The following GRM8 variants were observed in gnomAD, a reference collection of about 807,000 sequenced individuals.
GRM8 encodes the protein glutamate metabotropic receptor 8, also known as metabotropic glutamate receptor 8.
In GRM8, 47 loss-of-function variants were observed where a neutral mutation model predicts 87.2. The ratio of observed to expected loss-of-function variants is 0.54; its 90% CI spans 0.43 to 0.69. The LOEUF is 0.69. Ranked by LOEUF, GRM8 falls within the 30% of genes least tolerant of loss-of-function variation. The pLI, the probability that GRM8 is intolerant of heterozygous loss-of-function variation, is 0.00. For missense variants in GRM8, 1,019 were observed against 1,139.2 expected (o/e 0.89, Z 1.52); for synonymous variants, 396 against 404.5 (o/e 0.98, Z 0.25).
intron 7 of GRM8, among the ~76,000 whole-genome samples, chr7:126,651,482 G>T (rs988669963): frequency 2.0e-5 from 3 of 152,132 alleles, no homozygotes; most frequent in Non-Finnish European, 4.4e-5. Flanking sequence ...GAATCAAGGG[G>T]TGGAAGTCGA....
chr7:126,936,604 A>G (rs910397836), intron 3 of GRM8, among the ~76,000 whole-genome samples: 2 of 152,190 alleles, frequency 1.3e-5, no homozygotes, highest in African/African-American at 2.4e-5. Flanking sequence ...CCAATAAGGT[A>G]TAACTAGGAA....
At chr7:126,552,489 C>T (rs2150932984) in intron 8 of GRM8, among the ~76,000 whole-genome samples, 1 of 152,172 alleles carries the variant, frequency 6.6e-6, no homozygotes, top group South Asian at 2.1e-4. Flanking sequence ...TATGTGCTAT[C>T]ATTCTTTGGG....
chr7:127,111,718 T>C (rs1826364182), intron 2 of GRM8, among the ~76,000 whole-genome samples: 2 of 152,314 alleles, frequency 1.3e-5, no homozygotes, highest in Middle Eastern at 3.4e-3. Flanking sequence ...GCAAGAAAAC[T>C]GGTATTTTAC....
intron 2 of GRM8, chr7:127,229,603 C>T (rs888173893): frequency 6.6e-6 from 1 of 152,188 alleles, no homozygotes; most frequent in Non-Finnish European, 1.5e-5. Context: ...ATTGAGCTCT[C>T]ATTTAAATAG....
At chr7:126,744,960 T>C (rs997821883) in intron 7 of GRM8, among the ~76,000 whole-genome samples, 1 of 125,336 alleles carries the variant, frequency 8.0e-6, no homozygotes, top group Non-Finnish European at 1.8e-5. Context: ...TATTAACATG[T>C]AATTGATTTA....
At chr7:127,103,735 T>C (rs1894730) in intron 3 of GRM8, among the ~76,000 whole-genome samples, 27,966 of 152,224 alleles carry the variant, frequency 0.18, 2,741 homozygotes, top group Middle Eastern at 0.26. Flanking sequence ...ACTGTGCTAT[T>C]TGCTGATACC....
At chr7:126,609,977 T>C (rs1409955100) in intron 7 of GRM8, among the ~76,000 whole-genome samples, 1 of 152,176 alleles carries the variant, frequency 6.6e-6, no homozygotes, top group East Asian at 1.9e-4. Context: ...GCACCGTTCC[T>C]GTGCCTCTGC....
At chr7:126,584,029 C>A (rs191266571) in intron 8 of GRM8, among the ~76,000 whole-genome samples, 26 of 152,282 alleles carry the variant, frequency 1.7e-4, no homozygotes, top group Admixed American at 1.6e-3. Flanking sequence ...GCCTCCCCAA[C>A]CTTCAGCAAC....
chr7:127,051,964 T>A (rs1051431825), intron 3 of GRM8, among the ~76,000 whole-genome samples: 5 of 152,256 alleles, frequency 3.3e-5, no homozygotes, highest in South Asian at 2.1e-4. Flanking sequence ...CCCATTTTAT[T>A]TCTTCAAATA....
At chr7:126,774,365 T>C (rs929136160) in intron 6 of GRM8, among the ~76,000 whole-genome samples, 1 of 152,194 alleles carries the variant, frequency 6.6e-6, no homozygotes, top group African/African-American at 2.4e-5. Context: ...AATTTCATTA[T>C]GCTATAGTTT....
chr7:126,926,173 T>C (rs1179684505), intron 3 of GRM8, among the ~76,000 whole-genome samples: 1 of 152,196 alleles, frequency 6.6e-6, no homozygotes, highest in South Asian at 2.1e-4. Context: ...CGTATTATAT[T>C]TTAAGATTAT....
chr7:127,170,913 C>T (rs1023957667), intron 2 of GRM8, among the ~76,000 whole-genome samples: 3 of 152,086 alleles, frequency 2.0e-5, no homozygotes, highest in East Asian at 3.8e-4. Context: ...GTGATGGGTG[C>T]ACCAAAATTT....
chr7:126,723,804 T>C (rs980106629), intron 7 of GRM8, among the ~76,000 whole-genome samples: 9 of 152,150 alleles, frequency 5.9e-5, no homozygotes, highest in Non-Finnish European at 1.3e-4. Context: ...TCTACTTAAG[T>C]TCGGCCACTC....
intron 7 of GRM8, among the ~76,000 whole-genome samples, chr7:126,724,318 T>C (rs1184401297): frequency 6.6e-6 from 1 of 152,156 alleles, no homozygotes; most frequent in Non-Finnish European, 1.5e-5. Flanking sequence ...ATTCCAAATC[T>C]GGCTCTGAAA....
chr7:126,591,268 A>T (rs375045457), intron 8 of GRM8, among the ~76,000 whole-genome samples: 7 of 152,156 alleles, frequency 4.6e-5, no homozygotes, highest in African/African-American at 1.7e-4. Context: ...AACAGCAGTT[A>T]AAAAAGACAA....
intron 3 of GRM8, among the ~76,000 whole-genome samples, chr7:126,970,236 A>G (rs1810280353): frequency 6.6e-6 from 1 of 152,198 alleles, no homozygotes; most frequent in African/African-American, 2.4e-5. Flanking sequence ...CTGTGAAGCC[A>G]GCATTGACTT....
chr7:126,736,346 C>T (rs1217240561), intron 7 of GRM8, among the ~76,000 whole-genome samples: 1 of 151,970 alleles, frequency 6.6e-6, no homozygotes, highest in African/African-American at 2.4e-5. Context: ...AAACATAACC[C>T]CCTGAAAGAG....
At chr7:127,155,968 G>C (rs1168848973) in intron 2 of GRM8, among the ~76,000 whole-genome samples, 5 of 152,166 alleles carry the variant, frequency 3.3e-5, no homozygotes, top group Admixed American at 2.6e-4. Flanking sequence ...ACGCCCTCTT[G>C]AAGGCTGCCA....
chr7:127,136,259 T>C lies in GRM8; in HGVS notation c.511-29547A>G, dbSNP rs574253547. ...CAGCTCTCATCAAATTTGAACTTAA[T>C]GAATGCAGTTGTGAAACAGGCAAAT... is the stretch of plus-strand genomic sequence containing the variant. On this transcript the variant is annotated intron_variant, in intron 2 of 10. Transcript: ENST00000339582. Among the ~76,000 whole-genome samples, 10 of 152,264 alleles carry C rather than the reference T, an allele frequency of 6.6e-5. No individual in the cohort carries two copies. The East Asian group carries it at 1.9e-3, about 29-fold the overall frequency.
Sources: gnomAD v4.1 joint callset for allele counts (sites outside exome capture counted in the v4.1 genomes callset) on GRCh38, gnomAD v4.1.1 for gene constraint, MANE v1.5 for transcripts, NCBI Gene and HGNC (gene_info 2026-07-23, HGNC 2026-07-21) for gene names.